DDHD1: variants seen among roughly 807,000 people sequenced by gnomAD.
DDHD1 encodes the protein phospholipase DDHD1.
DDHD1 carries 49 observed loss-of-function variants against 96.4 expected under a neutral mutation model. That is an observed-to-expected ratio of 0.51 (90% confidence interval 0.40 to 0.64). DDHD1 has a LOEUF of 0.64. Among genes scored for constraint, DDHD1 ranks in the 30% least tolerant of loss-of-function variants. DDHD1 has a pLI of 0.00. For missense variants in DDHD1, 1,106 were observed against 1,161.2 expected (o/e 0.95, Z 0.69); for synonymous variants, 442 against 446.5 (o/e 0.99, Z 0.13).
intron 1 of DDHD1, among the ~76,000 whole-genome samples, chr14:53,114,843 C>G (rs768125296): frequency 5.3e-5 from 8 of 152,168 alleles, no homozygotes; most frequent in Non-Finnish European, 7.3e-5. Flanking sequence ...AACTCCTCTC[C>G]AGCAAGGTCA....
At chr14:53,133,490 T>C (rs1890019223) in intron 1 of DDHD1, among the ~76,000 whole-genome samples, 2 of 152,220 alleles carry the variant, frequency 1.3e-5, no homozygotes, top group Admixed American at 1.3e-4. Flanking sequence ...GGAAACTTCG[T>C]GCTCCTTATC....
At position 53,040,313 on chromosome 14, in the gene DDHD1, T is replaced by C. The variant is rs1349007047; in HGVS notation, c.*6455A>G. The C allele has an allele frequency of 6.6e-6, 1 of 152,198 alleles. No individual in the cohort carries two copies. Among genetic ancestry groups the C allele is most frequent in the Non-Finnish European group, 1.5e-5 (1 of 68,030 alleles). 9.4% of individuals were successfully genotyped at this position (152,198 alleles called of 1,614,324 possible). A position where few individuals can be genotyped will look rare whatever the true frequency, so the allele number is the denominator to read the frequency against. On this transcript the variant is annotated 3_prime_UTR_variant, in exon 13 of 13. Transcript: ENST00000673822. Reference sequence around the variant, plus strand: ...TAGAGGGAGTTGTGGCCACTAGCCTTCCTAGTAGAACGGAATGTGGCAGCC... The same window carrying C: ...TAGAGGGAGTTGTGGCCACTAGCCTCCCTAGTAGAACGGAATGTGGCAGCC...
intron 1 of DDHD1, among the ~76,000 whole-genome samples, chr14:53,130,066 A>G (rs749145437): frequency 6.6e-6 from 1 of 152,016 alleles, no homozygotes; most frequent in African/African-American, 2.4e-5. Flanking sequence ...CTCCTCTTCT[A>G]CGGACCCATC....
Position 53,153,210 on chromosome 14 carries a change from A to C in DDHD1, c.-112T>G, listed in dbSNP as rs1891601184. On this transcript the variant is annotated 5_prime_UTR_variant, in exon 1 of 13. Transcript: ENST00000673822. Reference sequence around the variant, plus strand: ...CCACCCGAAGTTTCTAATCTTTCAAATCCCGACCCGAGCTGCGGCGGCAGC... The same window carrying C: ...CCACCCGAAGTTTCTAATCTTTCAACTCCCGACCCGAGCTGCGGCGGCAGC... 16 of 982,028 alleles carry C rather than the reference A, an allele frequency of 1.6e-5. No individual in the cohort carries two copies. Among genetic ancestry groups the C allele is most frequent in the African/African-American group, 3.5e-5 (2 of 57,816 alleles). 60.8% of individuals were successfully genotyped at this position (982,028 alleles called of 1,614,324 possible).
In DDHD1 at chr14:53,044,971, T is replaced by TG. The variant is rs1881910571; in HGVS notation, c.*1796_*1797insC. ...AAAAGACAGCACCTTAAGTGGAACC[T>TG]AGTGGAAACCACTCAGAAGTGAGGG... On this transcript the variant is annotated 3_prime_UTR_variant, in exon 13 of 13. Coordinates refer to ENST00000673822, the MANE Select transcript of DDHD1 (RefSeq NM_001160148.2). 3 of 152,226 alleles carry TG rather than the reference T, an allele frequency of 2.0e-5. No homozygotes were observed. The highest frequency in any genetic ancestry group is 4.4e-5 in the Non-Finnish European group (3 of 68,040). 9.4% of individuals were successfully genotyped at this position (152,226 alleles called of 1,614,324 possible).
rs915436 is a variant in DDHD1, at chr14:53,058,674, C to T, written c.1843-48G>A. 1,545,411 of 1,547,134 alleles carry T rather than the reference C, an allele frequency of 1. 771,869 individuals are homozygous for T. Among genetic ancestry groups the T allele is most frequent in the East Asian group, 1 (43,662 of 43,662 alleles). On this transcript the variant is annotated intron_variant, in intron 8 of 12. Coordinates refer to ENST00000673822, the MANE Select transcript of DDHD1 (RefSeq NM_001160148.2). ...AAGTTTAAAAATGGTGAAGTGTTAT[C>T]TTTCAACAAAATTTGGGCATAACGT...
intron 8 of DDHD1, among the ~76,000 whole-genome samples, chr14:53,058,955 T>C (rs1284214121): frequency 1.3e-5 from 2 of 152,164 alleles, no homozygotes; most frequent in Non-Finnish European, 2.9e-5. Context: ...CTGTGATAGA[T>C]ATAAAGACCA....
At chr14:53,061,895 G>A (rs548790320) in intron 7 of DDHD1, among the ~76,000 whole-genome samples, 5 of 151,984 alleles carry the variant, frequency 3.3e-5, no homozygotes, top group African/African-American at 4.8e-5. Context: ...TGAGCCGGGC[G>A]TGGTAGCAGT....
intron 1 of DDHD1, among the ~76,000 whole-genome samples, chr14:53,107,436 C>A (rs188429518): frequency 6.6e-6 from 1 of 152,122 alleles, no homozygotes; most frequent in Non-Finnish European, 1.5e-5. Flanking sequence ...CCATCCTGGG[C>A]AGGATGGAGC....
chr14:53,129,944 C>T (rs1220871986), intron 1 of DDHD1, among the ~76,000 whole-genome samples: 1 of 152,202 alleles, frequency 6.6e-6, no homozygotes, highest in African/African-American at 2.4e-5. Context: ...CATTCTTTTA[C>T]ACATCGGTCC....
chr14:53,061,609 G>A (rs755019555), intron 7 of DDHD1, among the ~76,000 whole-genome samples: 1 of 151,684 alleles, frequency 6.6e-6, no homozygotes, highest in Non-Finnish European at 1.5e-5. Context: ...AACTATGACT[G>A]TCCAAAATAC....
In DDHD1 at chr14:53,062,858, T is replaced by C. The variant is rs1347358150; in HGVS notation, c.1766+85A>G. On this transcript the variant is annotated intron_variant, in intron 7 of 12. Transcript: ENST00000673822. ...TCTTGAACAATGCATTATTTCTTTATCATGAAATTCTTAGTTTTCTCGTAA... is the reference window on the plus strand; with the variant it reads ...TCTTGAACAATGCATTATTTCTTTACCATGAAATTCTTAGTTTTCTCGTAA... 24 of 1,372,608 alleles carry C rather than the reference T, an allele frequency of 1.7e-5. No homozygotes were observed. In the Middle Eastern group the frequency reaches 5.6e-4, roughly 32 times the overall value. The allele number at this position is 1,372,608 out of a possible 1,614,324, so 85.0% of individuals were successfully genotyped here.
chr14:53,104,650 G>A (rs1398258663), intron 1 of DDHD1, among the ~76,000 whole-genome samples: 1 of 151,926 alleles, frequency 6.6e-6, no homozygotes, highest in Non-Finnish European at 1.5e-5. Context: ...AACTTTCTTG[G>A]CTAACTTTTG....
intron 1 of DDHD1, among the ~76,000 whole-genome samples, chr14:53,112,847 C>T (rs900639972): frequency 6.6e-6 from 1 of 152,182 alleles, no homozygotes; most frequent in Non-Finnish European, 1.5e-5. Flanking sequence ...TTTAACAAAA[C>T]TGGCTGCATG....
At chr14:53,120,640 A>T (rs1438177328) in intron 1 of DDHD1, among the ~76,000 whole-genome samples, 1 of 152,166 alleles carries the variant, frequency 6.6e-6, no homozygotes. Context: ...CAGAAATAGC[A>T]GCACACATCT....
At chr14:53,083,108 C>G (rs1885632003) in intron 4 of DDHD1, among the ~76,000 whole-genome samples, 1 of 151,908 alleles carries the variant, frequency 6.6e-6, no homozygotes, top group Admixed American at 6.6e-5. Flanking sequence ...ATGTCCTGTT[C>G]AAAAAAATAA....
At chr14:53,138,131 G>A (rs1186961362) in intron 1 of DDHD1, among the ~76,000 whole-genome samples, 1 of 152,216 alleles carries the variant, frequency 6.6e-6, no homozygotes, top group African/African-American at 2.4e-5. Flanking sequence ...AAGGCTGGGT[G>A]CGGTGGCCCA....
At chr14:53,058,665 A>T in intron 8 of DDHD1, 39 bp from the exon 9 acceptor site, 2 of 1,561,960 alleles carry the variant, frequency 1.3e-6, no homozygotes, top group Admixed American at 4.0e-5. Flanking sequence ...AAAAATGGTG[A>T]AGTGTTATCT....
At chr14:53,104,152 T>C (rs1309942762) in intron 1 of DDHD1, among the ~76,000 whole-genome samples, 1 of 152,166 alleles carries the variant, frequency 6.6e-6, no homozygotes, top group Non-Finnish European at 1.5e-5. Flanking sequence ...CAGACTGGTC[T>C]GACTGGTCTC....
Sources: gnomAD v4.1 joint callset for allele counts (sites outside exome capture counted in the v4.1 genomes callset) on GRCh38, gnomAD v4.1.1 for gene constraint, MANE v1.5 for transcripts, NCBI Gene and HGNC (gene_info 2026-07-23, HGNC 2026-07-21) for gene names.